KIF21A: variants seen among roughly 807,000 people sequenced by gnomAD.
KIF21A encodes kinesin-like protein KIF21A.
In KIF21A, 114 loss-of-function variants were observed where a neutral mutation model predicts 202.9. The ratio of observed to expected loss-of-function variants is 0.56; its 90% CI spans 0.48 to 0.66. KIF21A has a LOEUF of 0.66. Among genes scored for constraint, KIF21A ranks in the 30% least tolerant of loss-of-function variants. The probability of loss-of-function intolerance (pLI) is 0.00; values close to 1 mark genes in which losing one functional copy is unlikely to be tolerated. For synonymous variants in KIF21A, 667 were observed against 670.8 expected (o/e 0.99, Z 0.09); for missense variants, 1,677 against 1,994.9 (o/e 0.84, Z 3.04).
intron 16 of KIF21A, among the ~76,000 whole-genome samples, chr12:39,339,259 A>AT (rs983875996): frequency 1.3e-5 from 2 of 150,628 alleles, no homozygotes; most frequent in South Asian, 2.1e-4. Context: ...AAAGTGTACC[A>AT]TTTTTTTATC....
At chr12:39,407,726 T>C (rs772101695) in intron 1 of KIF21A, among the ~76,000 whole-genome samples, 3 of 152,108 alleles carry the variant, frequency 2.0e-5, no homozygotes, top group Non-Finnish European at 4.4e-5. Flanking sequence ...TTAACAAATA[T>C]TCCCCTACTC....
intron 14 of KIF21A, 70 bp downstream of exon 14, chr12:39,341,435 A>T: frequency 7.0e-7 from 1 of 1,426,634 alleles, no homozygotes; most frequent in Non-Finnish European, 9.8e-7. Context: ...AGAGAATGTT[A>T]AGAGTTTTCT....
At chr12:39,420,562 A>G (rs1442114627) in intron 1 of KIF21A, among the ~76,000 whole-genome samples, 1 of 152,178 alleles carries the variant, frequency 6.6e-6, no homozygotes, top group Non-Finnish European at 1.5e-5. Context: ...CAAAGTGAGT[A>G]TGGAAGGAGG....
intron 16 of KIF21A, 116 bp downstream of exon 16, chr12:39,340,049 T>C: frequency 1.3e-6 from 1 of 776,320 alleles, no homozygotes; most frequent in Non-Finnish European, 2.1e-6. Context: ...ACATCATTTG[T>C]AAGATTGGGT....
At chr12:39,368,162 AAC>A (rs1387197049) in intron 3 of KIF21A, 130 bp from the exon 4 acceptor site, 11 of 628,050 alleles carry the variant, frequency 1.8e-5, no homozygotes, top group South Asian at 3.9e-5. Flanking sequence ...TTTTCAAAAT[AAC>A]ACATTAAAAT....
chr12:39,299,273 G>GA (rs1233008407), intron 37 of KIF21A, among the ~76,000 whole-genome samples: 1 of 151,726 alleles, frequency 6.6e-6, no homozygotes, highest in East Asian at 1.9e-4. Context: ...GGAAAAAAAC[G>GA]AAAAACCCAT....
chr12:39,402,740 GT>G (rs977961288), intron 1 of KIF21A, among the ~76,000 whole-genome samples: 3 of 152,050 alleles, frequency 2.0e-5, no homozygotes, highest in African/African-American at 7.2e-5. Context: ...AACATTATTA[GT>G]TTTTTTGGCA....
chr12:39,337,270 A>C, intron 16 of KIF21A, 67 bp from the exon 17 acceptor site: 1 of 991,194 alleles, frequency 1.0e-6, no homozygotes, highest in Non-Finnish European at 1.6e-6. Context: ...TCAACCACAT[A>C]TATGGAAGTA....
intron 14 of KIF21A, 124 bp downstream of exon 14, chr12:39,341,381 T>C (rs987761152): frequency 2.4e-5 from 22 of 900,094 alleles, no homozygotes; most frequent in Non-Finnish European, 3.8e-5. Context: ...GGAAGGCAAA[T>C]GTAGGTCAGT....
At chr12:39,389,402 T>C (rs916232419) in intron 1 of KIF21A, among the ~76,000 whole-genome samples, 3 of 152,150 alleles carry the variant, frequency 2.0e-5, no homozygotes, top group Non-Finnish European at 4.4e-5. Flanking sequence ...ATGACACAAA[T>C]TAGCTCAAAG....
At position 39,293,679 on chromosome 12, in the gene KIF21A, T is replaced by C. The variant is rs1942043695; in HGVS notation, c.*745A>G. ...CCATAGGAAAATAGATCAAAATATATTTCTGTTAGGACATCAACAATGTTT... is the reference window on the plus strand; with the variant it reads ...CCATAGGAAAATAGATCAAAATATACTTCTGTTAGGACATCAACAATGTTT... On this transcript the variant is annotated 3_prime_UTR_variant, in exon 38 of 38. Transcript: ENST00000361418. 2 of 152,442 alleles carry C rather than the reference T, an allele frequency of 1.3e-5. No homozygotes were observed. Among genetic ancestry groups the C allele is most frequent in the South Asian group, 4.1e-4 (2 of 4,826 alleles). 9.4% of individuals were successfully genotyped at this position (152,442 alleles called of 1,614,324 possible).
chr12:39,420,074 TA>T (rs72435342), intron 1 of KIF21A, among the ~76,000 whole-genome samples: 36,498 of 83,076 alleles, frequency 0.44, 5,657 homozygotes, highest in Middle Eastern at 0.58. Flanking sequence ...AGACAGAAAG[TA>T]AAAAAAAAAA....
chr12:39,400,987 A>G (rs1246778804), intron 1 of KIF21A, among the ~76,000 whole-genome samples: 2 of 152,198 alleles, frequency 1.3e-5, no homozygotes, highest in African/African-American at 4.8e-5. Flanking sequence ...AAGCCAAACC[A>G]GAAGATTAAT....
chr12:39,344,054 A>T (rs1471394981), intron 12 of KIF21A, among the ~76,000 whole-genome samples: 2 of 152,214 alleles, frequency 1.3e-5, no homozygotes, highest in Non-Finnish European at 2.9e-5. Context: ...AAATGAATGA[A>T]GTAAATTGTA....
intron 10 of KIF21A, among the ~76,000 whole-genome samples, chr12:39,355,707 T>TATATATATATATATATATATA (rs1948718369): frequency 9.9e-6 from 1 of 101,240 alleles, no homozygotes; most frequent in Non-Finnish European, 1.9e-5. Context: ...GCATGAACAA[T>TATATATATATATATATATATA]TATATATATA....
intron 3 of KIF21A, among the ~76,000 whole-genome samples, chr12:39,368,365 T>A (rs1949739457): frequency 6.6e-6 from 1 of 152,144 alleles, no homozygotes; most frequent in South Asian, 2.1e-4. Flanking sequence ...TGTGGACAAA[T>A]CTTAAGCTTC....
chr12:39,435,930 A>G (rs188450891), intron 1 of KIF21A, among the ~76,000 whole-genome samples: 259 of 152,212 alleles, frequency 1.7e-3, no homozygotes, highest in African/African-American at 5.8e-3. Context: ...AACAGTCTAC[A>G]TTTTTTTATA....
intron 17 of KIF21A, among the ~76,000 whole-genome samples, chr12:39,335,410 CAAAAAAAAAA>C (rs1033088626): frequency 8.1e-5 from 5 of 61,964 alleles, no homozygotes; most frequent in Admixed American, 7.0e-4. Context: ...GACTCTGTCT[CAAAAAAAAAA>C]AAAAAAAAAA....
intron 27 of KIF21A, 54 bp downstream of exon 27, chr12:39,322,614 C>T: frequency 8.5e-7 from 1 of 1,177,566 alleles, no homozygotes; most frequent in African/African-American, 1.5e-5. Context: ...AACATGCATA[C>T]TTTTTTTTTT....
Sources: gnomAD v4.1 joint callset for allele counts (sites outside exome capture counted in the v4.1 genomes callset) on GRCh38, gnomAD v4.1.1 for gene constraint, MANE v1.5 for transcripts, NCBI Gene and HGNC (gene_info 2026-07-23, HGNC 2026-07-21) for gene names.